Variants in TMEM230 observed in about 807,000 individuals in gnomAD.
TMEM230 encodes transmembrane protein 230.
Under a neutral mutation model 15.8 loss-of-function variants are expected in TMEM230, and 10 were observed. The ratio of observed to expected loss-of-function variants is 0.63; its 90% CI spans 0.39 to 1.07. The LOEUF is 1.07. Ranked by LOEUF, TMEM230 falls within the 50% of genes least tolerant of loss-of-function variation. TMEM230 has a pLI of 0.01. For synonymous variants in TMEM230, 67 were observed against 76.9 expected (o/e 0.87, Z 0.68); for missense variants, 165 against 193.3 (o/e 0.85, Z 0.87).
intron 3 of TMEM230, chr20:5,069,364 C>A (rs1037366780): frequency 6.6e-7 from 1 of 1,521,674 alleles, no homozygotes; most frequent in Non-Finnish European, 8.8e-7. Context: ...GAAAGAAACA[C>A]CCCTTCTCAA....
intron 3 of TMEM230, among the ~76,000 whole-genome samples, chr20:5,074,049 A>G (rs538303264): frequency 4.6e-5 from 7 of 152,220 alleles, no homozygotes; most frequent in East Asian, 1.9e-4. Flanking sequence ...CTTTTGCACA[A>G]CCAGATCTTG....
chr20:5,064,369 G>A (rs1170309682), downstream of TMEM230, among the ~76,000 whole-genome samples: 1 of 152,058 alleles, frequency 6.6e-6, no homozygotes, highest in African/African-American at 2.4e-5. Flanking sequence ...CTGAGTTCGA[G>A]AGTTCAAGAC....
chr20:5,078,649 G>C (rs929005833), intron 3 of TMEM230, among the ~76,000 whole-genome samples: 2 of 152,168 alleles, frequency 1.3e-5, no homozygotes, highest in Non-Finnish European at 2.9e-5. Context: ...TGAAACTGGC[G>C]GTTAGAGCCG....
the TMEM230 span, among the ~76,000 whole-genome samples, chr20:5,062,430 A>G: frequency 2.0e-5 from 3 of 151,500 alleles, no homozygotes; most frequent in African/African-American, 7.3e-5. Flanking sequence ...CTGGATGCCC[A>G]TGGTAAAGAA....
At chr20:5,081,896 CAG>C (rs753157311) in intron 3 of TMEM230, among the ~76,000 whole-genome samples, 20 of 130,618 alleles carry the variant, frequency 1.5e-4, no homozygotes, top group Admixed American at 8.6e-4. Flanking sequence ...TTTTTTTAGA[CAG>C]AGTCTTGCTG....
At chr20:5,104,585 G>A (rs2089995837) in intron 4 of TMEM230, among the ~76,000 whole-genome samples, 2 of 152,142 alleles carry the variant, frequency 1.3e-5, no homozygotes, top group African/African-American at 4.8e-5. Flanking sequence ...ATTTATGACA[G>A]CACTATTCAC....
In TMEM230 at chr20:5,099,943, A is replaced by T; in HGVS notation, c.*848T>A. 1 of 985,432 alleles carries T rather than the reference A, an allele frequency of 1.0e-6. No homozygotes were observed. Among genetic ancestry groups the T allele is most frequent in the Non-Finnish European group, 1.2e-6 (1 of 829,920 alleles). 61.0% of individuals were successfully genotyped at this position (985,432 alleles called of 1,614,324 possible). A position where few individuals can be genotyped will look rare whatever the true frequency, so the allele number is the denominator to read the frequency against. On this transcript the variant is annotated 3_prime_UTR_variant, in exon 5 of 5. Coordinates refer to ENST00000342308, the MANE Select transcript of TMEM230 (RefSeq NM_001009923.2). ...TCACTTTTTGCAAGCTAAAAAATAG[A>T]ATCAAACTAAGGTGATCTAGTCCTC... is the stretch of plus-strand genomic sequence containing the variant.
chr20:5,062,244 C>T, the TMEM230 span, among the ~76,000 whole-genome samples: 1 of 150,492 alleles, frequency 6.6e-6, no homozygotes, highest in African/African-American at 2.4e-5. Flanking sequence ...AAAAAAAAAG[C>T]CATTTATGTG....
At chr20:5,099,223 T>TC (rs1440636699), downstream of TMEM230, among the ~76,000 whole-genome samples, 6 of 108,334 alleles carry the variant, frequency 5.5e-5, no homozygotes, top group Non-Finnish European at 9.0e-5. Flanking sequence ...AATAAATAAA[T>TC]AAATAAATAA....
At chr20:5,082,951 G>A (rs1010764539) in intron 3 of TMEM230, among the ~76,000 whole-genome samples, 3 of 146,042 alleles carry the variant, frequency 2.1e-5, no homozygotes, top group African/African-American at 7.6e-5. Flanking sequence ...TTTTCAGATG[G>A]AGTTTCACTC....
intron 3 of TMEM230, among the ~76,000 whole-genome samples, chr20:5,087,506 T>A (rs1452734017): frequency 1.3e-5 from 2 of 151,286 alleles, no homozygotes; most frequent in African/African-American, 4.9e-5. Context: ...GACATATTTT[T>A]TTTTTTGAGA....
chr20:5,087,501 AT>A (rs199557428), intron 3 of TMEM230, among the ~76,000 whole-genome samples: 62 of 145,066 alleles, frequency 4.3e-4, no homozygotes, highest in East Asian at 1.4e-3. Context: ...AAGAGGACAT[AT>A]TTTTTTTTTT....
At chr20:5,073,387 C>A (rs538899304) in intron 3 of TMEM230, among the ~76,000 whole-genome samples, 1 of 152,292 alleles carries the variant, frequency 6.6e-6, no homozygotes, top group South Asian at 2.1e-4. Context: ...ATTTTTCCTG[C>A]CCTGGGGCTT....
At chr20:5,094,255 C>A (rs1162475514) in intron 3 of TMEM230, among the ~76,000 whole-genome samples, 1 of 150,688 alleles carries the variant, frequency 6.6e-6, no homozygotes, top group Non-Finnish European at 1.5e-5. Flanking sequence ...CCGTACCTGG[C>A]CTTTTTAAGT....
intron 3 of TMEM230, among the ~76,000 whole-genome samples, chr20:5,083,968 T>C (rs1321593793): frequency 6.6e-6 from 1 of 152,150 alleles, no homozygotes; most frequent in African/African-American, 2.4e-5. Flanking sequence ...GTAATGAGCA[T>C]AGTACCTGAA....
chr20:5,078,040 T>C (rs773878361), intron 3 of TMEM230, among the ~76,000 whole-genome samples: 14 of 152,014 alleles, frequency 9.2e-5, no homozygotes, highest in Non-Finnish European at 1.2e-4. Flanking sequence ...CACACAGACA[T>C]CAACCTCACT....
At chr20:5,074,614 A>G (rs1040932968) in intron 3 of TMEM230, among the ~76,000 whole-genome samples, 3 of 138,340 alleles carry the variant, frequency 2.2e-5, no homozygotes, top group Non-Finnish European at 4.4e-5. Context: ...GTCTTTTGAC[A>G]GTTTAACTCT....
intron 4 of TMEM230, among the ~76,000 whole-genome samples, chr20:5,101,770 T>C (rs1356153864): frequency 6.6e-6 from 1 of 152,086 alleles, no homozygotes; most frequent in African/African-American, 2.4e-5. Context: ...CAGAATTGGT[T>C]CAAGACAACT....
chr20:5,094,469 G>A (rs1032658635), intron 3 of TMEM230, among the ~76,000 whole-genome samples: 4 of 151,512 alleles, frequency 2.6e-5, no homozygotes, highest in African/African-American at 9.7e-5. Flanking sequence ...AGTACTTTGG[G>A]AGGCTGAGGC....
Sources: gnomAD v4.1 joint callset for allele counts (sites outside exome capture counted in the v4.1 genomes callset) on GRCh38, gnomAD v4.1.1 for gene constraint, MANE v1.5 for transcripts, NCBI Gene and HGNC (gene_info 2026-07-23, HGNC 2026-07-21) for gene names.